The following SPPL3 variants were observed in gnomAD, a reference collection of about 807,000 sequenced individuals.
SPPL3 encodes signal peptide peptidase-like 3.
A neutral mutation model predicts 42.4 loss-of-function variants in SPPL3; 5 were observed. The ratio of observed to expected loss-of-function variants is 0.12; its 90% CI spans 0.06 to 0.25. The LOEUF (loss-of-function observed/expected upper bound fraction) is 0.25. SPPL3 is among the 10% of genes least tolerant of loss of function. The pLI is 1.00. For synonymous variants in SPPL3, 195 were observed against 181.8 expected, an observed-to-expected ratio of 1.07 and a Z score of -0.58; for missense variants, 235 against 489.0, an observed-to-expected ratio of 0.48 and a Z score of 4.90.
intron 1 of SPPL3, among the ~76,000 whole-genome samples, chr12:120,859,126 C>T (rs1476971160): frequency 6.6e-6 from 1 of 151,678 alleles, no homozygotes; most frequent in East Asian, 1.9e-4. Context: ...TGTTCTTCAT[C>T]CAAAATGCTT....
intron 1 of SPPL3, among the ~76,000 whole-genome samples, chr12:120,837,821 T>TACAC (rs199999285): frequency 2.6e-5 from 4 of 151,250 alleles, no homozygotes; most frequent in South Asian, 2.1e-4. Context: ...AGCTGTTACA[T>TACAC]ACACACACAC....
intron 1 of SPPL3, among the ~76,000 whole-genome samples, chr12:120,843,474 G>C (rs1871899487): frequency 6.6e-6 from 1 of 152,084 alleles, no homozygotes; most frequent in African/African-American, 2.4e-5. Context: ...CCTCCTTCTT[G>C]AAATTTTCAG....
rs560775222 is a variant in SPPL3, at chr12:120,869,236, C to T, written c.23+34609G>A. Among the ~76,000 whole-genome samples the T allele has an allele frequency of 2.6e-4, 39 of 152,242 alleles. 1 individual carries two copies. The highest frequency in any genetic ancestry group is 2.4e-3 in the Admixed American group (36 of 15,288). On this transcript the variant is annotated intron_variant, in intron 1 of 10. Transcript: ENST00000353487. ...GGTGTGTCGAATGGTGACTACGATACCATGAGGAGTACTGCTGTAGGTGAT... is the reference window on the plus strand; with the variant it reads ...GGTGTGTCGAATGGTGACTACGATATCATGAGGAGTACTGCTGTAGGTGAT...
At chr12:120,845,655 C>T in intron 1 of SPPL3, 1 of 385,198 alleles carries the variant, frequency 2.6e-6, no homozygotes. Context: ...GTTATGTTCC[C>T]CATGCTTGTG....
intron 6 of SPPL3, among the ~76,000 whole-genome samples, chr12:120,771,754 T>C (rs1474513441): frequency 4.6e-5 from 7 of 152,164 alleles, no homozygotes; most frequent in Non-Finnish European, 1.0e-4. Context: ...TCATGGGGTC[T>C]TGTGGTGGGA....
intron 1 of SPPL3, among the ~76,000 whole-genome samples, chr12:120,823,932 G>A (rs900614420): frequency 1.3e-4 from 19 of 150,966 alleles, no homozygotes; most frequent in East Asian, 2.0e-4. Context: ...GTGCAGTGGC[G>A]CAATCTCAGC....
At chr12:120,898,000 A>C (rs902971419) in intron 1 of SPPL3, among the ~76,000 whole-genome samples, 2 of 152,040 alleles carry the variant, frequency 1.3e-5, no homozygotes, top group African/African-American at 4.8e-5. Flanking sequence ...TACAGCCCTG[A>C]GATTAGAAAG....
chr12:120,896,956 A>C (rs914527379), intron 1 of SPPL3, among the ~76,000 whole-genome samples: 8 of 152,232 alleles, frequency 5.3e-5, no homozygotes, highest in African/African-American at 1.9e-4. Context: ...GCAGTCACAC[A>C]CAGTTTCAGA....
At chr12:120,848,287 A>G (rs997345359) in intron 1 of SPPL3, among the ~76,000 whole-genome samples, 19 of 152,214 alleles carry the variant, frequency 1.2e-4, no homozygotes, top group African/African-American at 4.6e-4. Flanking sequence ...GGATCAGGAT[A>G]TATCTCAAGG....
At chr12:120,896,255 CAAT>C (rs1295730218) in intron 1 of SPPL3, among the ~76,000 whole-genome samples, 2 of 152,158 alleles carry the variant, frequency 1.3e-5, no homozygotes, top group African/African-American at 4.8e-5. Context: ...CGTTCCACAA[CAAT>C]GAGGTGGAGC....
chr12:120,820,811 G>C (rs1244046228), intron 1 of SPPL3, among the ~76,000 whole-genome samples: 1 of 152,020 alleles, frequency 6.6e-6, no homozygotes, highest in African/African-American at 2.4e-5. Context: ...AGTTACTTAA[G>C]GCTGGGCGCA....
intron 1 of SPPL3, among the ~76,000 whole-genome samples, chr12:120,867,273 C>A (rs889272981): frequency 1.3e-5 from 2 of 152,180 alleles, no homozygotes; most frequent in Admixed American, 1.3e-4. Context: ...AAAGACACCT[C>A]CATGCATGGC....
At chr12:120,865,792 T>C (rs949562947) in intron 1 of SPPL3, among the ~76,000 whole-genome samples, 2 of 152,164 alleles carry the variant, frequency 1.3e-5, no homozygotes, top group Admixed American at 6.5e-5. Context: ...CTGCCACCAG[T>C]TAGTGGCCTG....
At chr12:120,765,276 G>T (rs1463300042) in intron 10 of SPPL3, among the ~76,000 whole-genome samples, 3 of 140,032 alleles carry the variant, frequency 2.1e-5, no homozygotes, top group African/African-American at 3.1e-5. Context: ...GCTGCGCTTG[G>T]CCCCTTTCTG....
intron 4 of SPPL3, 126 bp downstream of exon 4, chr12:120,784,348 C>T (rs563760748): frequency 4.8e-6 from 5 of 1,045,538 alleles, no homozygotes; most frequent in South Asian, 3.6e-5. Context: ...ACGGAGAAGG[C>T]GAAGCCAAGA....
intron 3 of SPPL3, among the ~76,000 whole-genome samples, chr12:120,788,373 A>G (rs1459140913): frequency 6.6e-6 from 1 of 152,136 alleles, no homozygotes; most frequent in Non-Finnish European, 1.5e-5. Flanking sequence ...ATCTGAAGTA[A>G]TAATTACCCA....
chr12:120,892,671 T>C (rs1322963509), intron 1 of SPPL3, among the ~76,000 whole-genome samples: 1 of 152,148 alleles, frequency 6.6e-6, no homozygotes, highest in Non-Finnish European at 1.5e-5. Flanking sequence ...ACACAAAGGC[T>C]ATTAAAATAC....
rs575551744 is a variant in SPPL3, at chr12:120,809,977, AT to A, written c.101+831del. 7.4e-4 allele frequency among the ~76,000 whole-genome samples: 110 copies of A among 148,390 alleles called. 1 individual carries two copies. Among genetic ancestry groups the A allele is most frequent in the East Asian group, 6.7e-3 (34 of 5,092 alleles). ...AAGCATTTTAGGACAACATAAAAAAATTTTTTTTTTTTTGAGACATAGTCTG... is the reference window on the plus strand; with the variant it reads ...AAGCATTTTAGGACAACATAAAAAAATTTTTTTTTTTTGAGACATAGTCTG... On this transcript the variant is annotated intron_variant, in intron 2 of 10. Transcript: ENST00000353487.
chr12:120,839,158 C>A (rs950938207), intron 1 of SPPL3, among the ~76,000 whole-genome samples: 8 of 151,474 alleles, frequency 5.3e-5, no homozygotes, highest in Non-Finnish European at 1.2e-4. Flanking sequence ...CACATATACA[C>A]CATGGAATAC....
Sources: allele counts gnomAD v4.1 joint callset (sites outside exome capture counted in the v4.1 genomes callset), GRCh38; gene constraint gnomAD v4.1.1; transcripts MANE v1.5; gene names NCBI Gene and HGNC (gene_info 2026-07-23, HGNC 2026-07-21).